Variants in SCAPER observed in about 807,000 individuals in gnomAD.
SCAPER encodes the protein S phase cyclin A-associated protein in the endoplasmic reticulum.
Under a neutral mutation model 182.2 loss-of-function variants are expected in SCAPER, and 98 were observed. The observed-to-expected ratio is 0.54, with a 90% CI of 0.46 to 0.64. The LOEUF is 0.64. SCAPER is among the 30% of genes least tolerant of loss of function. The probability of loss-of-function intolerance (pLI) is 0.00; values close to 1 mark genes in which losing one functional copy is unlikely to be tolerated. For missense variants in SCAPER, 1,432 were observed against 1,690.0 expected, an observed-to-expected ratio of 0.85 and a Z score of 2.68; for synonymous variants, 605 against 564.6, an observed-to-expected ratio of 1.07 and a Z score of -1.01.
At chr15:76,510,888 T>TGTGTATGC (rs1491205462) in intron 23 of SCAPER, among the ~76,000 whole-genome samples, 6 of 141,090 alleles carry the variant, frequency 4.3e-5, no homozygotes, top group Non-Finnish European at 9.4e-5. Flanking sequence ...TGTGTGTGTG[T>TGTGTATGC]GCGCGCGCGC....
intron 20 of SCAPER, among the ~76,000 whole-genome samples, chr15:76,677,602 T>G (rs1055653645): frequency 6.6e-6 from 1 of 151,794 alleles, no homozygotes; most frequent in Non-Finnish European, 1.5e-5. Context: ...TAAGTCACAC[T>G]GTAAAATTTT....
chr15:76,566,455 A>C (rs1370901749), intron 23 of SCAPER, among the ~76,000 whole-genome samples: 1 of 152,134 alleles, frequency 6.6e-6, no homozygotes, highest in African/African-American at 2.4e-5. Context: ...GCAATTGGAC[A>C]AACTCCATGT....
At chr15:76,653,159 A>T (rs138276010) in intron 21 of SCAPER, among the ~76,000 whole-genome samples, 144 of 152,288 alleles carry the variant, frequency 9.5e-4, no homozygotes, top group African/African-American at 3.3e-3. Context: ...TAGCTGACCA[A>T]GGAGGAGAAA....
At chr15:76,838,257 G>A (rs1025236689) in intron 5 of SCAPER, among the ~76,000 whole-genome samples, 1 of 152,156 alleles carries the variant, frequency 6.6e-6, no homozygotes, top group Non-Finnish European at 1.5e-5. Context: ...GCAGGAACAC[G>A]GATGCAGCTG....
intron 5 of SCAPER, among the ~76,000 whole-genome samples, chr15:76,816,060 G>C (rs562548490): frequency 6.6e-6 from 1 of 152,242 alleles, no homozygotes; most frequent in East Asian, 1.9e-4. Flanking sequence ...AGTTGCTCTG[G>C]GTAAGGGAGG....
rs184474765 is a variant in SCAPER at position 76,542,583 on chromosome 15, A to T, written c.2838+31575T>A. ...TAAAATAAAATAAAATAAAATAAAA[A>T]AAAGAATCCACAACCCCTACACAAG... On this transcript the variant is annotated intron_variant, in intron 23 of 31. Coordinates refer to ENST00000563290, the MANE Select transcript of SCAPER (RefSeq NM_020843.4). 8.4e-4 allele frequency among the ~76,000 whole-genome samples: 125 copies of T among 148,542 alleles called. 1 individual carries two copies. The highest frequency in any genetic ancestry group is 1.2e-3 in the Non-Finnish European group (82 of 66,384).
chr15:76,709,584 C>T (rs1285041230), intron 17 of SCAPER, among the ~76,000 whole-genome samples: 6 of 152,066 alleles, frequency 3.9e-5, no homozygotes, highest in Non-Finnish European at 7.4e-5. Context: ...GAAATATTCC[C>T]CCAAAGAAAA....
intron 25 of SCAPER, 38 bp downstream of exon 25, chr15:76,471,174 C>T (rs770905228): frequency 2.0e-6 from 3 of 1,516,310 alleles, no homozygotes; most frequent in East Asian, 2.5e-5. Context: ...TTTCTCAAAC[C>T]TTAACTGCTT....
At chr15:76,406,993 T>C (rs1037659067) in intron 26 of SCAPER, among the ~76,000 whole-genome samples, 1 of 152,214 alleles carries the variant, frequency 6.6e-6, no homozygotes, top group Non-Finnish European at 1.5e-5. Context: ...AACTAAAATA[T>C]GTAACTCTGG....
At chr15:76,545,618 A>C (rs997463352) in intron 23 of SCAPER, among the ~76,000 whole-genome samples, 1 of 152,178 alleles carries the variant, frequency 6.6e-6, no homozygotes, top group Non-Finnish European at 1.5e-5. Context: ...GATAATAGCT[A>C]TCTCAGGACT....
chr15:76,673,046 A>G (rs1002666633), intron 20 of SCAPER, among the ~76,000 whole-genome samples: 10 of 152,220 alleles, frequency 6.6e-5, no homozygotes, highest in Non-Finnish European at 2.9e-5. Context: ...ATTTTATGCC[A>G]AAAGAAAATA....
At chr15:76,481,682 C>G (rs2051155384) in intron 24 of SCAPER, among the ~76,000 whole-genome samples, 1 of 152,182 alleles carries the variant, frequency 6.6e-6, no homozygotes, top group African/African-American at 2.4e-5. Flanking sequence ...CAATTATAGC[C>G]TCTCCTTCCC....
chr15:76,627,654 T>C (rs1597791401), intron 21 of SCAPER, among the ~76,000 whole-genome samples: 1 of 152,234 alleles, frequency 6.6e-6, no homozygotes, highest in African/African-American at 2.4e-5. Flanking sequence ...TAGTATTCCA[T>C]GGTGTATATG....
At chr15:76,554,688 G>A (rs2046051682) in intron 23 of SCAPER, among the ~76,000 whole-genome samples, 1 of 151,724 alleles carries the variant, frequency 6.6e-6, no homozygotes, top group African/African-American at 2.4e-5. Flanking sequence ...TAGAGAGAAG[G>A]GGTAAGGCCA....
chr15:76,887,131 A>G (rs956115646), intron 1 of SCAPER, among the ~76,000 whole-genome samples: 2 of 152,164 alleles, frequency 1.3e-5, no homozygotes, highest in Non-Finnish European at 2.9e-5. Context: ...ACAAACCTGC[A>G]CTTGTACCCC....
chr15:76,652,276 AT>A (rs1381145931), intron 21 of SCAPER, among the ~76,000 whole-genome samples: 15 of 9,868 alleles, frequency 1.5e-3, no homozygotes, highest in African/African-American at 3.5e-3. Flanking sequence ...AAAAAAAAAT[AT>A]ATATATATAT....
chr15:76,425,579 G>A (rs2046363920), intron 26 of SCAPER, among the ~76,000 whole-genome samples: 2 of 152,144 alleles, frequency 1.3e-5, no homozygotes, highest in Non-Finnish European at 2.9e-5. Flanking sequence ...CTTTAGCTCT[G>A]AGAAGTTTGA....
chr15:76,508,832 T>A (rs991367034), intron 23 of SCAPER, among the ~76,000 whole-genome samples: 1 of 152,178 alleles, frequency 6.6e-6, no homozygotes. Context: ...CCTTGTATGG[T>A]CAATCCTTCC....
intron 20 of SCAPER, among the ~76,000 whole-genome samples, chr15:76,678,467 T>C (rs1221466803): frequency 6.6e-6 from 1 of 152,110 alleles, no homozygotes; most frequent in African/African-American, 2.4e-5. Flanking sequence ...GCTTTAAGCC[T>C]GCCCAGCACG....
Sources: gnomAD v4.1 joint callset for allele counts (sites outside exome capture counted in the v4.1 genomes callset) on GRCh38, gnomAD v4.1.1 for gene constraint, MANE v1.5 for transcripts, NCBI Gene and HGNC (gene_info 2026-07-23, HGNC 2026-07-21) for gene names.